The following HROB variants were observed in gnomAD, a reference collection of about 807,000 sequenced individuals.
The protein encoded by HROB is homologous recombination OB-fold protein.
In HROB, 44 loss-of-function variants were observed where a neutral mutation model predicts 61.0. That is an observed-to-expected ratio of 0.72 (90% CI 0.57 to 0.93). HROB has a LOEUF of 0.93. HROB is among the 40% of genes least tolerant of loss of function. The pLI is 0.00. For missense variants in HROB, 716 were observed against 796.2 expected (o/e 0.90, Z 1.21); for synonymous variants, 301 against 310.4 (o/e 0.97, Z 0.32).
In HROB at chr17:44,157,909, A is replaced by G; in HGVS notation, c.1847A>G (p.Glu616Gly). The G allele has an allele frequency of 6.2e-7, 1 of 1,613,446 alleles. No homozygotes were observed. Reference protein sequence around the residue: ...GFRTAQNLEAEASPEEELPEA... With the variant: ...GFRTAQNLEAGASPEEELPEA... ...AGAACAGCACAGAACCTAGAGGCAGAGGCGTCCCCTGAGGAAGAACTCCCA... is the reference window on the plus strand; with the variant it reads ...AGAACAGCACAGAACCTAGAGGCAGGGGCGTCCCCTGAGGAAGAACTCCCA... Residue 616 changes from glutamate (E) to glycine (G), a missense_variant, in exon 9 of 10, where the codon GAG (glutamate) becomes GGG (glycine). Transcript: ENST00000585683.
At chr17:44,152,178 C>G (rs950596992) in intron 4 of HROB, among the ~76,000 whole-genome samples, 2 of 151,894 alleles carry the variant, frequency 1.3e-5, no homozygotes, top group Non-Finnish European at 2.9e-5. Flanking sequence ...CGAGGTTTCA[C>G]CATGTTGGCC....
At chr17:44,143,786 C>T (rs1045210838) in intron 1 of HROB, among the ~76,000 whole-genome samples, 2 of 152,058 alleles carry the variant, frequency 1.3e-5, no homozygotes, top group Admixed American at 1.3e-4. Flanking sequence ...CACTGCACTC[C>T]AGTCTGGGCA....
rs747691216 is a variant in HROB at position 44,148,130 on chromosome 17, C to T, written c.327C>T (p.Ser109=). 2 of 1,614,226 alleles carry T rather than the reference C, an allele frequency of 1.2e-6. No homozygotes were observed. Among genetic ancestry groups the T allele is most frequent in the Non-Finnish European group, 1.7e-6 (2 of 1,180,042 alleles). The change falls in exon 3 of 10, where the codon AGC becomes AGT. Residue 109 remains serine, a synonymous_variant. Coordinates refer to ENST00000585683, the MANE Select transcript of HROB (RefSeq NM_001171251.3). ...APLRPVSTSS[S]WIGNQRRVTV... is the part of the protein sequence containing the mutation. ...TAAGGCCTGTCTCTACTTCCAGCAG[C>T]TGGATTGGCAATCAGAGAAGAGTGA...
chr17:44,147,925 G>A lies in HROB; in HGVS notation c.122G>A (p.Arg41His), dbSNP rs373094846. Residue 41 changes from arginine (R) to histidine (H), a missense_variant, in exon 3 of 10, where the codon CGC (arginine) becomes CAC (histidine). Physicochemically the swap from Arg to His is conservative, Grantham distance 29. Coordinates refer to ENST00000585683, the MANE Select transcript of HROB (RefSeq NM_001171251.3). ...FTGSLPVNAG[R>H]LRPVSSRPQE... ...GGCTCACTGCCTGTGAATGCTGGGC[G>A]CCTGAGACCTGTCTCTTCTAGGCCA... The A allele has an allele frequency of 2.6e-5, 42 of 1,613,990 alleles. No homozygotes were observed. The highest frequency in any genetic ancestry group is 3.1e-5 in the Non-Finnish European group (37 of 1,180,022).
At chr17:44,144,032 C>T (rs1160503566) in intron 1 of HROB, among the ~76,000 whole-genome samples, 2 of 151,550 alleles carry the variant, frequency 1.3e-5, no homozygotes, top group Admixed American at 1.3e-4. Flanking sequence ...GGCTGGAGTT[C>T]AGTGGTGCAA....
At position 44,148,523 on chromosome 17, in the gene HROB, A is replaced by AC. The variant is rs1028447794; in HGVS notation, c.726dup (p.Arg244GlufsTer42). 1 of 1,613,362 alleles carries AC rather than the reference A, an allele frequency of 6.2e-7. No homozygotes were observed. Among genetic ancestry groups the AC allele is most frequent in the Non-Finnish European group, 8.5e-7 (1 of 1,179,884 alleles). ...CTGTCATCCAATGTAGGACTCCACG[A>AC]CCCCCCTTGAGACCTGGTGCTGTGG... On this transcript the variant is annotated frameshift_variant, in exon 3 of 10. Coordinates refer to ENST00000585683, the MANE Select transcript of HROB (RefSeq NM_001171251.3). LOFTEE classifies it high-confidence loss of function.
chr17:44,159,028 G>A (rs536505080), intron 9 of HROB, among the ~76,000 whole-genome samples: 2 of 152,184 alleles, frequency 1.3e-5, no homozygotes, highest in African/African-American at 4.8e-5. Flanking sequence ...GGGCTCAAGC[G>A]ATCCTTCTGT....
chr17:44,159,179 C>T (rs751961253), intron 9 of HROB, among the ~76,000 whole-genome samples: 11 of 151,958 alleles, frequency 7.2e-5, no homozygotes, highest in South Asian at 2.1e-4. Flanking sequence ...ACCCAGGTGC[C>T]GAGGCAAGAG....
At position 44,150,959 on chromosome 17, in the gene HROB, A is replaced by G. The variant is rs754974076; in HGVS notation, c.1225-2A>G. The stretch of plus-strand genomic sequence containing the variant: ...TCATCTTCTCCTTCCCTCCCCTCTT[A>G]GCAGAGTGGGAGAAGTCTGGAGGAC... On this transcript the variant is annotated splice_acceptor_variant, in intron 3 of 9. Coordinates refer to ENST00000585683, the MANE Select transcript of HROB (RefSeq NM_001171251.3). LOFTEE classifies it high-confidence loss of function. 6.2e-7 allele frequency: 1 copy of G among 1,608,268 alleles called. No homozygotes were observed. The highest frequency in any genetic ancestry group is 2.2e-5 in the East Asian group (1 of 44,858).
chr17:44,147,647 G>T, intron 2 of HROB: 1 of 507,926 alleles, frequency 2.0e-6, no homozygotes, highest in Non-Finnish European at 3.5e-6. Context: ...CGTTGGCCAG[G>T]CTGGTCTCGA....
chr17:44,160,831 C>T (rs1385806986), intron 9 of HROB, among the ~76,000 whole-genome samples: 1 of 152,148 alleles, frequency 6.6e-6, no homozygotes, highest in East Asian at 1.9e-4. Context: ...GCCTGGAAGC[C>T]TGCACTCTTT....
chr17:44,150,182 G>T, intron 3 of HROB, among the ~76,000 whole-genome samples: 1 of 152,112 alleles, frequency 6.6e-6, no homozygotes, highest in Admixed American at 6.6e-5. Flanking sequence ...GATCTGGACT[G>T]GTTGTGATAG....
Position 44,154,577 on chromosome 17 carries a change from A to C in HROB, c.1471A>C (p.Arg491=). 1 of 1,614,134 alleles carries C rather than the reference A, an allele frequency of 6.2e-7. No individual in the cohort carries two copies. Among genetic ancestry groups the C allele is most frequent in the Non-Finnish European group, 8.5e-7 (1 of 1,180,016 alleles). The change falls in exon 6 of 10, where the codon AGG becomes CGG. Residue 491 remains arginine (R), a synonymous_variant. Coordinates refer to ENST00000585683, the MANE Select transcript of HROB (RefSeq NM_001171251.3). ...LRKAALKQLP[R]NKVPNMAVMI... is the part of the protein sequence containing the mutation. ...GCAGGCAGCCCTGAAGCAGCTTCCT[A>C]GGAACAAGGTCCCCAACATGGCGGT...
In HROB at chr17:44,161,929, T is replaced by G; in HGVS notation, c.1938T>G (p.Ser646Arg). ...LPEDFFCGTS[S>R] is the part of the protein sequence containing the mutation. ...AAGACTTCTTCTGTGGGACCAGTAGTTGAGACTGCCCCAACGCAGGACAAC... is the reference window on the plus strand; with the variant it reads ...AAGACTTCTTCTGTGGGACCAGTAGGTGAGACTGCCCCAACGCAGGACAAC... The change falls in exon 10 of 10, where the codon AGT becomes AGG. Residue 646 changes from serine (S) to arginine (R), a missense_variant. Physicochemically the swap from Ser to Arg is moderately radical, Grantham distance 110. Transcript: ENST00000585683. 1.9e-6 allele frequency: 3 copies of G among 1,614,096 alleles called. No individual in the cohort carries two copies. The highest frequency in any genetic ancestry group is 2.5e-6 in the Non-Finnish European group (3 of 1,179,920).
At chr17:44,160,342 C>T (rs559910008) in intron 9 of HROB, among the ~76,000 whole-genome samples, 5 of 152,042 alleles carry the variant, frequency 3.3e-5, no homozygotes, top group South Asian at 2.1e-4. Context: ...CCAAGGTGGG[C>T]GGATCACGAG....
intron 9 of HROB, 138 bp from the exon 10 acceptor site, chr17:44,161,733 G>T: frequency 1.2e-6 from 1 of 843,534 alleles, no homozygotes; most frequent in South Asian, 1.4e-5. Context: ...CATTGGCATG[G>T]GTACCACTGC....
At chr17:44,142,466 CTTTTTTTTT>C (rs1156855939) in intron 1 of HROB, among the ~76,000 whole-genome samples, 9 of 137,854 alleles carry the variant, frequency 6.5e-5, no homozygotes, top group Non-Finnish European at 9.5e-5. Context: ...ACACTTTCTA[CTTTTTTTTT>C]TTTTTTTTTT....
chr17:44,153,013 C>A (rs2053861894), intron 5 of HROB, among the ~76,000 whole-genome samples: 1 of 152,100 alleles, frequency 6.6e-6, no homozygotes, highest in African/African-American at 2.4e-5. Context: ...ACTTCCAGGC[C>A]CTGGGTGGGG....
intron 8 of HROB, among the ~76,000 whole-genome samples, chr17:44,157,351 C>T (rs2053998428): frequency 6.6e-6 from 1 of 151,264 alleles, no homozygotes; most frequent in Non-Finnish European, 1.5e-5. Context: ...TCAGCTGCCT[C>T]CCTTCAGCAT....
Sources: allele counts gnomAD v4.1 joint callset (sites outside exome capture counted in the v4.1 genomes callset), GRCh38; gene constraint gnomAD v4.1.1; transcripts MANE v1.5; gene names NCBI Gene and HGNC (gene_info 2026-07-23, HGNC 2026-07-21).